PEPD: variants seen among roughly 807,000 people sequenced by gnomAD.
PEPD encodes the protein xaa-Pro dipeptidase.
Under a neutral mutation model 60.7 loss-of-function variants are expected in PEPD, and 53 were observed. The observed-to-expected ratio is 0.87, with a 90% CI of 0.70 to 1.10. The LOEUF is 1.10. PEPD is among the 50% of genes least tolerant of loss of function. PEPD has a pLI of 0.00. For missense variants in PEPD, 711 were observed against 711.9 expected (o/e 1.00, Z 0.01); for synonymous variants, 267 against 284.1 (o/e 0.94, Z 0.60).
intron 6 of PEPD, among the ~76,000 whole-genome samples, chr19:33,483,685 C>A (rs926065712): frequency 3.3e-5 from 5 of 152,136 alleles, no homozygotes; most frequent in African/African-American, 1.2e-4. Context: ...TGGCGCACAC[C>A]TATAGTCCCA....
rs368959300 is a variant in PEPD, at chr19:33,391,463, G to A, written c.984C>T (p.Asp328=). 7.4e-5 allele frequency: 115 copies of A among 1,551,252 alleles called. No homozygotes were observed. The highest frequency in any genetic ancestry group is 9.2e-5 in the Non-Finnish European group (106 of 1,147,842). Reference sequence around the variant, plus strand: ...GGATGCGGTCAGCCAGGCGGTGCATGTCAGGCCACCAGACACCTGTGGGCC... The same window carrying A: ...GGATGCGGTCAGCCAGGCGGTGCATATCAGGCCACCAGACACCTGTGGGCC... ...GAMKPGVWWP[D]MHRLADRIHL... The change falls in exon 13 of 15, where the codon GAC becomes GAT. Residue 328 remains aspartate, a synonymous_variant. Transcript: ENST00000244137.
intron 9 of PEPD, among the ~76,000 whole-genome samples, chr19:33,415,675 A>C (rs1968874752): frequency 6.6e-6 from 1 of 152,208 alleles, no homozygotes; most frequent in African/African-American, 2.4e-5. Context: ...TAGTGCCTTC[A>C]AGAAGGCACA....
chr19:33,413,647 C>T lies in PEPD; in HGVS notation c.672-4G>A. 2 of 1,573,700 alleles carry T rather than the reference C, an allele frequency of 1.3e-6. No homozygotes were observed. The highest frequency in any genetic ancestry group is 1.7e-6 in the Non-Finnish European group (2 of 1,155,846). Reference sequence around the variant, plus strand: ...GTAGCAGTAGTGCTCGAAGAGGCTGCAGGGGGAGAGACGCGTCAGGGTTGG... The same window carrying T: ...GTAGCAGTAGTGCTCGAAGAGGCTGTAGGGGGAGAGACGCGTCAGGGTTGG... On this transcript the variant is annotated splice_polypyrimidine_tract_variant and splice_region_variant and intron_variant, in intron 9 of 14. Coordinates refer to ENST00000244137, the MANE Select transcript of PEPD (RefSeq NM_000285.4).
chr19:33,485,468 G>C (rs933863294), intron 6 of PEPD, among the ~76,000 whole-genome samples: 7 of 140,246 alleles, frequency 5.0e-5, no homozygotes, highest in African/African-American at 2.0e-4. Flanking sequence ...ACTCCAGCCT[G>C]GGCAACAGAG....
rs1031542443 is a variant in PEPD at position 33,432,010 on chromosome 19, A to AAAAAAAAAAAAAAAAAAAAAAG, written c.672-18368_672-18367insCTTTTTTTTTTTTTTTTTTTTT. ...ACCACCTCAAAAAAAAAAAAAAAAA[A>AAAAAAAAAAAAAAAAAAAAAAG]GGGAAGATTAAACCCAGAGTGACCA... On this transcript the variant is annotated intron_variant, in intron 9 of 14. Coordinates refer to ENST00000244137, the MANE Select transcript of PEPD (RefSeq NM_000285.4). 1.7e-4 allele frequency among the ~76,000 whole-genome samples: 25 copies of AAAAAAAAAAAAAAAAAAAAAAG among 147,596 alleles called. 3 individuals are homozygous for AAAAAAAAAAAAAAAAAAAAAAG. Among genetic ancestry groups the AAAAAAAAAAAAAAAAAAAAAAG allele is most frequent in the African/African-American group, 6.1e-4 (24 of 39,288 alleles).
At position 33,505,722 on chromosome 19, in the gene PEPD, G is replaced by A. The variant is rs569241235; in HGVS notation, c.330-4721C>T. 3.2e-3 allele frequency among the ~76,000 whole-genome samples: 437 copies of A among 137,058 alleles called. 1 individual carries two copies. The highest frequency in any genetic ancestry group is 9.6e-3 in the African/African-American group (353 of 36,684). The allele number at this position is 137,058 out of a possible 152,430, so 89.9% of individuals were successfully genotyped here. On this transcript the variant is annotated intron_variant, in intron 3 of 14. Coordinates refer to ENST00000244137, the MANE Select transcript of PEPD (RefSeq NM_000285.4). ...CAACACACACACCTGCACACAACAC[G>A]GCACACTCACACCCACCACACCCCA... is the stretch of plus-strand genomic sequence containing the variant.
intron 11 of PEPD, among the ~76,000 whole-genome samples, chr19:33,404,985 C>T (rs775684427): frequency 6.6e-6 from 1 of 152,254 alleles, no homozygotes; most frequent in Admixed American, 6.5e-5. Context: ...TTCGGTCATA[C>T]GTTGGCTCAA....
At chr19:33,401,413 A>G (rs926500275) in intron 12 of PEPD, among the ~76,000 whole-genome samples, 1 of 152,226 alleles carries the variant, frequency 6.6e-6, no homozygotes. Context: ...ACACCGCTTA[A>G]GGACAAAGCA....
intron 9 of PEPD, among the ~76,000 whole-genome samples, chr19:33,458,896 T>C (rs1197453190): frequency 5.9e-5 from 3 of 51,072 alleles, no homozygotes; most frequent in African/African-American, 2.5e-4. Flanking sequence ...CTGGGGCATG[T>C]GTCTGGTTGG....
intron 7 of PEPD, among the ~76,000 whole-genome samples, chr19:33,473,100 C>G (rs1342669944): frequency 2.0e-5 from 3 of 152,186 alleles, no homozygotes; most frequent in South Asian, 4.1e-4. Flanking sequence ...CACCTCCACG[C>G]TGGACCAGGG....
chr19:33,438,615 G>C (rs1380889224), intron 9 of PEPD, among the ~76,000 whole-genome samples: 3 of 152,220 alleles, frequency 2.0e-5, no homozygotes, highest in Admixed American at 2.0e-4. Flanking sequence ...ACCCTGGCAG[G>C]GGCAGCTGTC....
chr19:33,430,588 T>C (rs1449042046), intron 9 of PEPD, among the ~76,000 whole-genome samples: 1 of 152,188 alleles, frequency 6.6e-6, no homozygotes, highest in East Asian at 1.9e-4. Flanking sequence ...AAGGGTTTTT[T>C]TCCTATCTTG....
chr19:33,513,590 C>T (rs374050394), intron 1 of PEPD, among the ~76,000 whole-genome samples: 44 of 152,292 alleles, frequency 2.9e-4, no homozygotes, highest in African/African-American at 7.9e-4. Context: ...TGCTCTTGGC[C>T]GCAACTTCCC....
At chr19:33,426,525 A>T (rs1454625404) in intron 9 of PEPD, among the ~76,000 whole-genome samples, 1 of 152,200 alleles carries the variant, frequency 6.6e-6, no homozygotes, top group Non-Finnish European at 1.5e-5. Flanking sequence ...TCTAGTACCC[A>T]GTTCCCTCCC....
At chr19:33,412,680 A>G (rs1343185331) in intron 10 of PEPD, among the ~76,000 whole-genome samples, 1 of 152,206 alleles carries the variant, frequency 6.6e-6, no homozygotes, top group Admixed American at 6.5e-5. Context: ...AGTAGAAATA[A>G]TGGTTTTCTC....
At chr19:33,388,860 G>A (rs896946380) in intron 13 of PEPD, 4 of 147,882 alleles carry the variant, frequency 2.7e-5, no homozygotes, top group Non-Finnish European at 4.5e-5. Context: ...ACAGCTGAGG[G>A]GGCCTCAGCT....
intron 7 of PEPD, among the ~76,000 whole-genome samples, chr19:33,477,711 T>G (rs993460976): frequency 6.6e-6 from 1 of 152,230 alleles, no homozygotes; most frequent in Non-Finnish European, 1.5e-5. Context: ...TTTCTGGCAA[T>G]GGGATTATGT....
At chr19:33,505,491 G>A (rs895475135) in intron 3 of PEPD, among the ~76,000 whole-genome samples, 42 of 152,120 alleles carry the variant, frequency 2.8e-4, no homozygotes, top group Non-Finnish European at 1.0e-4. Context: ...AACCACCCGG[G>A]CAGCAGCCGA....
chr19:33,406,748 TC>T (rs1369791175), intron 11 of PEPD, among the ~76,000 whole-genome samples: 1 of 152,170 alleles, frequency 6.6e-6, no homozygotes, highest in African/African-American at 2.4e-5. Context: ...GCTGGCCGCA[TC>T]CCAGGCTGCA....
Sources: allele counts gnomAD v4.1 joint callset (sites outside exome capture counted in the v4.1 genomes callset), GRCh38; gene constraint gnomAD v4.1.1; transcripts MANE v1.5; gene names NCBI Gene and HGNC (gene_info 2026-07-23, HGNC 2026-07-21).